The following C6orf132 variants were observed in gnomAD, a reference collection of about 807,000 sequenced individuals.
The protein encoded by C6orf132 is uncharacterized protein C6orf132.
C6orf132 carries 43 observed loss-of-function variants against 65.3 expected under a neutral mutation model. The ratio of observed to expected loss-of-function variants is 0.66; its 90% CI spans 0.52 to 0.85. The LOEUF (loss-of-function observed/expected upper bound fraction) is 0.85, where lower values mean the gene tolerates loss of function less well. Among genes scored for constraint, C6orf132 ranks in the 40% least tolerant of loss-of-function variants. The pLI, the probability that C6orf132 is intolerant of heterozygous loss-of-function variation, is 0.00. For missense variants in C6orf132, 1,488 were observed against 1,548.8 expected (o/e 0.96, Z 0.66); for synonymous variants, 631 against 654.1 (o/e 0.96, Z 0.54).
chr6:42,122,013 G>C (rs972929543), intron 2 of C6orf132, among the ~76,000 whole-genome samples: 4 of 152,200 alleles, frequency 2.6e-5, no homozygotes, highest in Non-Finnish European at 5.9e-5. Flanking sequence ...ATGGAGAAAG[G>C]CTGTGTGTAT....
chr6:42,110,189 C>T, intron 3 of C6orf132, 27 bp downstream of exon 3: 1 of 1,534,114 alleles, frequency 6.5e-7, no homozygotes, highest in Non-Finnish European at 8.8e-7. Context: ...GAAAGATGGA[C>T]AAGCCCCAAG....
In C6orf132 at chr6:42,104,783, C is replaced by G. The variant is rs1436147926; in HGVS notation, c.3129G>C (p.Ala1043=). The G allele has an allele frequency of 1.1e-5, 16 of 1,502,318 alleles. No individual in the cohort carries two copies. Among genetic ancestry groups the G allele is most frequent in the Non-Finnish European group, 1.4e-5 (16 of 1,132,898 alleles). The allele number at this position is 1,502,318 out of a possible 1,614,324, so 93.1% of individuals were successfully genotyped here. A position where few individuals can be genotyped will look rare whatever the true frequency, so the allele number is the denominator to read the frequency against. The change falls in exon 4 of 5, where the codon GCG becomes GCC. Residue 1043 remains alanine, a synonymous_variant. Coordinates refer to ENST00000341865, the MANE Select transcript of C6orf132 (RefSeq NM_001164446.3). This position sits in a 1 kb window ranked among gnomAD's most constrained non-coding sequence, Gnocchi z 4.1. ...ALGFSRFPAG[A]RYAGAGGLER... ...CCAGGCCCCCAGCCCCGGCGTAGCGCGCGCCCGCGGGAAAGCGCGAGAAGC... is the reference window on the plus strand; with the variant it reads ...CCAGGCCCCCAGCCCCGGCGTAGCGGGCGCCCGCGGGAAAGCGCGAGAAGC...
At chr6:42,129,852 T>C (rs1766824952) in intron 1 of C6orf132, among the ~76,000 whole-genome samples, 1 of 152,226 alleles carries the variant, frequency 6.6e-6, no homozygotes, top group Non-Finnish European at 1.5e-5. Context: ...GCCAGAAGTC[T>C]GCTAACTGGG....
At position 42,125,267 on chromosome 6, in the gene C6orf132, T is replaced by C. The variant is rs571981375; in HGVS notation, c.252+3405A>G. On this transcript the variant is annotated intron_variant, in intron 2 of 4. Transcript: ENST00000341865. The stretch of plus-strand genomic sequence containing the variant: ...TGGAGCCTGGCTTCAGGGATTCCAG[T>C]CGCGCTCTGCCACTTAGCCGCAATA... Among the ~76,000 whole-genome samples the C allele has an allele frequency of 3.1e-3, 473 of 152,254 alleles. 2 individuals are homozygous for C. Among genetic ancestry groups the C allele is most frequent in the African/African-American group, 0.01 (433 of 41,546 alleles).
intron 1 of C6orf132, 41 bp downstream of exon 1, chr6:42,142,259 T>A: frequency 6.5e-7 from 1 of 1,532,512 alleles, no homozygotes; most frequent in Non-Finnish European, 8.8e-7. Context: ...CCCAGCGCCC[T>A]CCGTCCCCGC....
At chr6:42,130,518 G>A (rs1166746814) in intron 1 of C6orf132, among the ~76,000 whole-genome samples, 1 of 152,164 alleles carries the variant, frequency 6.6e-6, no homozygotes, top group African/African-American at 2.4e-5. Context: ...ACCCTTAACA[G>A]GACTGGGGTG....
chr6:42,104,887 G>A lies in C6orf132; in HGVS notation c.3025C>T (p.Gln1009Ter), dbSNP rs1358704696. The part of the protein sequence containing the change: ...PAPALQYLGR[Q>*]SSPPRNNYSD... ...TAGTTGTTCCGGGGAGGGGAGCTCT[G>A]GCGGCCCAGATACTGGAGGGCCGGG... is the stretch of plus-strand genomic sequence containing the variant. The change falls in exon 4 of 5, where the codon CAG becomes TAG. Residue 1009 changes from glutamine (Q) to a stop codon, truncating the protein, a stop_gained. Coordinates refer to ENST00000341865, the MANE Select transcript of C6orf132 (RefSeq NM_001164446.3). LOFTEE classifies it high-confidence loss of function. This position sits in a 1 kb window ranked among gnomAD's most constrained non-coding sequence, Gnocchi z 4.1. 1 of 1,449,410 alleles carries A rather than the reference G, an allele frequency of 6.9e-7. No individual in the cohort carries two copies. Among genetic ancestry groups the A allele is most frequent in the East Asian group, 2.5e-5 (1 of 40,080 alleles). 89.8% of individuals were successfully genotyped at this position (1,449,410 alleles called of 1,614,324 possible). A position where few individuals can be genotyped will look rare whatever the true frequency, so the allele number is the denominator to read the frequency against.
Position 42,105,064 on chromosome 6 carries a change from C to G in C6orf132, c.2848G>C (p.Ala950Pro). 6.5e-7 allele frequency: 1 copy of G among 1,536,716 alleles called. No individual in the cohort carries two copies. The highest frequency in any genetic ancestry group is 1.2e-5 in the South Asian group (1 of 84,038). Residue 950 changes from alanine to proline, a missense_variant, in exon 4 of 5, where the codon GCT (alanine) becomes CCT (proline). Physicochemically the swap from Ala to Pro is conservative, Grantham distance 27 (BLOSUM62 -1). Coordinates refer to ENST00000341865, the MANE Select transcript of C6orf132 (RefSeq NM_001164446.3). ...TGGCCCTGGGGGAGGTTGGAGGGAG[C>G]TACTCTTTCCCAGGCCACAGGGGCC... ...PQAPVAWERV[A>P]PSNLPQGHPL...
rs1439177286 is a variant in C6orf132 at position 42,107,200 on chromosome 6, C to G, written c.712G>C (p.Ala238Pro). The change falls in exon 4 of 5, where the codon GCT (alanine) becomes CCT (proline). Residue 238 changes from alanine (A) to proline (P), a missense_variant. Ala to Pro is a conservative substitution (Grantham distance 27). Coordinates refer to ENST00000341865, the MANE Select transcript of C6orf132 (RefSeq NM_001164446.3). ...CCCACTGTGTGAGGAGATGCTGGAGCTGGGGGTGCTGGGGCTGGCACAGGA... is the reference window on the plus strand; with the variant it reads ...CCCACTGTGTGAGGAGATGCTGGAGGTGGGGGTGCTGGGGCTGGCACAGGA... ...PPPVPAPAPP[A>P]PASPHTVGTR... The G allele has an allele frequency of 9.9e-6, 10 of 1,012,258 alleles. No homozygotes were observed. Among genetic ancestry groups the G allele is most frequent in the East Asian group, 1.1e-4 (1 of 9,142 alleles). 62.7% of individuals were successfully genotyped at this position (1,012,258 alleles called of 1,614,324 possible).
chr6:42,121,040 T>C (rs1260607413), intron 2 of C6orf132, among the ~76,000 whole-genome samples: 1 of 152,186 alleles, frequency 6.6e-6, no homozygotes, highest in Non-Finnish European at 1.5e-5. Context: ...AGCTGACATA[T>C]AGATGGTGCT....
chr6:42,123,576 AAAGAAGAAAG>A lies in C6orf132; in HGVS notation c.252+5086_252+5095del, dbSNP rs371629598. 3.6e-4 allele frequency among the ~76,000 whole-genome samples: 54 copies of A among 150,556 alleles called. No individual in the cohort carries two copies. In the East Asian group the frequency reaches 9.9e-3, roughly 28 times the overall value. On this transcript the variant is annotated intron_variant, in intron 2 of 4. Coordinates refer to ENST00000341865, the MANE Select transcript of C6orf132 (RefSeq NM_001164446.3). The stretch of plus-strand genomic sequence containing the variant: ...AGAGGAAGAGAAGAAGAAGAAGAAG[AAAGAAGAAAG>A]AAGAAGAAGAAAGAAGGAAGAAGAA...
rs1233903349 is a variant in C6orf132, at chr6:42,103,057, G to C, written c.*704C>G. ...TCTCTCTAGGCCTCCCTGTAGCTAA[G>C]GGCTAGGGCCAAGGAAAAATGAACC... On this transcript the variant is annotated 3_prime_UTR_variant, in exon 5 of 5. Transcript: ENST00000341865. 2 of 398,596 alleles carry C rather than the reference G, an allele frequency of 5.0e-6. No homozygotes were observed. The highest frequency in any genetic ancestry group is 2.1e-5 in the African/African-American group (1 of 48,640). The allele number at this position is 398,596 out of a possible 1,614,324, so 24.7% of individuals were successfully genotyped here.
chr6:42,106,237 G>T lies in C6orf132; in HGVS notation c.1675C>A (p.Pro559Thr), dbSNP rs552106535. Residue 559 changes from proline (P) to threonine (T), a missense_variant, in exon 4 of 5, where the codon CCA (proline) becomes ACA (threonine). Pro to Thr is a conservative substitution (Grantham distance 38). Coordinates refer to ENST00000341865, the MANE Select transcript of C6orf132 (RefSeq NM_001164446.3). Reference sequence around the variant, plus strand: ...CGGATCTGCCGCACACTGGGAGTTGGAGAGTCTTGGGGAATGTAGTCCACA... The same window carrying T: ...CGGATCTGCCGCACACTGGGAGTTGTAGAGTCTTGGGGAATGTAGTCCACA... ...PSVDYIPQDS[P>T]TPSVRQIRNE... is the part of the protein sequence containing the mutation. 1.3e-6 allele frequency: 2 copies of T among 1,537,228 alleles called. No homozygotes were observed. Among genetic ancestry groups the T allele is most frequent in the East Asian group, 2.4e-5 (1 of 40,906 alleles).
In C6orf132 at chr6:42,107,262, G is replaced by C; in HGVS notation, c.650C>G (p.Pro217Arg). 1 of 1,307,580 alleles carries C rather than the reference G, an allele frequency of 7.6e-7. No individual in the cohort carries two copies. Among genetic ancestry groups the C allele is most frequent in the South Asian group, 1.6e-5 (1 of 63,644 alleles). 81.0% of individuals were successfully genotyped at this position (1,307,580 alleles called of 1,614,324 possible). ...SIPTPPDFIP[P>R]APPLAFLAPP... ...GGCTAGAAAGGCCAAGGGTGGGGCA[G>C]GGGGAATGAAGTCAGGAGGGGTGGG... is the stretch of plus-strand genomic sequence containing the variant. Residue 217 changes from proline (P) to arginine (R), a missense_variant, in exon 4 of 5, where the codon CCT becomes CGT. Pro to Arg is a moderately radical substitution (Grantham distance 103). Coordinates refer to ENST00000341865, the MANE Select transcript of C6orf132 (RefSeq NM_001164446.3).
rs1157767394 is a variant in C6orf132, at chr6:42,104,492, G to A, written c.3420C>T (p.Ala1140=). The change falls in exon 4 of 5, where the codon GCC becomes GCT. Residue 1140 remains alanine, a synonymous_variant. Transcript: ENST00000341865. This position sits in a 1 kb window ranked among gnomAD's most constrained non-coding sequence, Gnocchi z 4.1. ...AEAKHKAPGS[A]DYGFAPAAGR... is the part of the protein sequence containing the mutation. ...CGGCAGCTGGGGCGAAGCCGTAGTC[G>A]GCGCTGCCGGGCGCTTTGTGCTTGG... 3.8e-5 allele frequency: 47 copies of A among 1,231,480 alleles called. No homozygotes were observed. In the East Asian group the frequency reaches 1.4e-3, roughly 37 times the overall value. The allele number at this position is 1,231,480 out of a possible 1,614,324, so 76.3% of individuals were successfully genotyped here.
At chr6:42,112,511 T>C (rs552284048) in intron 2 of C6orf132, among the ~76,000 whole-genome samples, 91 of 152,276 alleles carry the variant, frequency 6.0e-4, no homozygotes, top group African/African-American at 1.9e-3. Flanking sequence ...TGGGAAATGG[T>C]GATAACAATA....
rs578086547 is a variant in C6orf132 at position 42,139,326 on chromosome 6, G to A, written c.145+2974C>T. Among the ~76,000 whole-genome samples the A allele has an allele frequency of 9.2e-4, 140 of 152,314 alleles. 2 individuals are homozygous for A. The highest frequency in any genetic ancestry group is 7.7e-3 in the South Asian group (37 of 4,828). ...TTCCTCTATTCTACAGCAGTGTTAG[G>A]AAGAGGAGCTGAAGCAGGCAAGGGC... On this transcript the variant is annotated intron_variant, in intron 1 of 4. Coordinates refer to ENST00000341865, the MANE Select transcript of C6orf132 (RefSeq NM_001164446.3).
rs181753435 is a variant in C6orf132, at chr6:42,136,296, G to A, written c.145+6004C>T. 1.6e-3 allele frequency among the ~76,000 whole-genome samples: 251 copies of A among 152,156 alleles called. 1 individual carries two copies. The highest frequency in any genetic ancestry group is 4.6e-3 in the Admixed American group (71 of 15,270). ...GGCTGTTTCCCCACCTGTAAAATGA[G>A]GATGATACTTTTCCGGAAGCCTCCC... On this transcript the variant is annotated intron_variant, in intron 1 of 4. Transcript: ENST00000341865.
rs1766351371 is a variant in C6orf132, at chr6:42,104,467, C to T, written c.3445G>A (p.Gly1149Ser). The T allele has an allele frequency of 4.1e-6, 5 of 1,230,852 alleles. No individual in the cohort carries two copies. Among genetic ancestry groups the T allele is most frequent in the East Asian group, 3.2e-5 (1 of 31,634 alleles). The allele number at this position is 1,230,852 out of a possible 1,614,324, so 76.2% of individuals were successfully genotyped here. ...CCAGCCGGGCCCGCAGCTCACCTGC[C>T]GGCAGCTGGGGCGAAGCCGTAGTCG... Reference protein sequence around the residue: ...SADYGFAPAAGRSPYTTTRYG... With the variant: ...SADYGFAPAASRSPYTTTRYG... The change falls in exon 4 of 5, where the codon GGC becomes AGC. Residue 1149 changes from glycine to serine, a missense_variant. Gly to Ser is a moderately conservative substitution (Grantham distance 56). Coordinates refer to ENST00000341865, the MANE Select transcript of C6orf132 (RefSeq NM_001164446.3). The surrounding 1 kb of genome is among the most constrained non-coding windows in gnomAD (Gnocchi z 4.1).
Sources: gnomAD v4.1 joint callset for allele counts (sites outside exome capture counted in the v4.1 genomes callset) on GRCh38, gnomAD v4.1.1 for gene constraint, Gnocchi (gnomAD v3.1) non-coding constraint, MANE v1.5 for transcripts, NCBI Gene and HGNC (gene_info 2026-07-23, HGNC 2026-07-21) for gene names.